BMPR1B: variants seen among roughly 807,000 people sequenced by gnomAD.
BMPR1B encodes the protein bone morphogenetic protein receptor type 1B.
A neutral mutation model predicts 59.1 loss-of-function variants in BMPR1B; 12 were observed. That is an observed-to-expected ratio of 0.20 (90% CI 0.13 to 0.33). The LOEUF is 0.33. BMPR1B is among the 10% of genes least tolerant of loss of function. BMPR1B has a pLI of 1.00. For synonymous variants in BMPR1B, 237 were observed against 207.3 expected, an observed-to-expected ratio of 1.14 and a Z score of -1.23; for missense variants, 550 against 610.9, an observed-to-expected ratio of 0.90 and a Z score of 1.05.
chr4:95,150,022 A>G (rs1462172005), intron 11 of BMPR1B, among the ~76,000 whole-genome samples: 2 of 152,226 alleles, frequency 1.3e-5, no homozygotes, highest in Admixed American at 1.3e-4. Flanking sequence ...GAGCCATAAC[A>G]TCTTTAGGTT....
intron 12 of BMPR1B, 113 bp downstream of exon 12, chr4:95,152,886 T>C (rs2149330838): frequency 7.7e-7 from 1 of 1,305,472 alleles, no homozygotes; most frequent in South Asian, 1.3e-5. Context: ...ATGGTGATGG[T>C]GATGGCGCCT....
chr4:95,004,174 AT>A (rs1722658184), intron 3 of BMPR1B, among the ~76,000 whole-genome samples: 1 of 152,156 alleles, frequency 6.6e-6, no homozygotes, highest in South Asian at 2.1e-4. Context: ...AAAAGACATC[AT>A]TTGAAATTTT....
chr4:94,778,880 T>A (rs1372833003), intron 1 of BMPR1B, among the ~76,000 whole-genome samples: 1 of 152,034 alleles, frequency 6.6e-6, no homozygotes, highest in Non-Finnish European at 1.5e-5. Flanking sequence ...TTGGTTGTTC[T>A]TTTCTTAGTG....
intron 6 of BMPR1B, among the ~76,000 whole-genome samples, chr4:95,119,813 ATC>A (rs1732341857): frequency 6.6e-6 from 1 of 152,226 alleles, no homozygotes; most frequent in South Asian, 2.1e-4. Flanking sequence ...AACACTGACC[ATC>A]ATGAAGTTTG....
chr4:94,893,219 G>A (rs1056247768), intron 2 of BMPR1B, among the ~76,000 whole-genome samples: 5 of 151,944 alleles, frequency 3.3e-5, no homozygotes, highest in Non-Finnish European at 1.5e-5. Context: ...CATAACATCT[G>A]AAATAATATT....
At chr4:94,789,180 G>A (rs1218811903) in intron 1 of BMPR1B, among the ~76,000 whole-genome samples, 1 of 152,188 alleles carries the variant, frequency 6.6e-6, no homozygotes, top group Non-Finnish European at 1.5e-5. Flanking sequence ...TTGAGAAATG[G>A]TTCAGTGTTC....
At position 94,799,032 on chromosome 4, in the gene BMPR1B, A is replaced by C. The variant is rs116555502; in HGVS notation, c.-183+40964A>C. Among the ~76,000 whole-genome samples, 982 of 151,692 alleles carry C rather than the reference A, an allele frequency of 6.5e-3. 13 individuals are homozygous for C. The highest frequency in any genetic ancestry group is 0.012 in the Non-Finnish European group (782 of 67,962). ...CTGTTGAGAATCCCAGGAGTGCGTT[A>C]GTGTGTGTTTCTTGGATAACCCCCA... On this transcript the variant is annotated intron_variant, in intron 1 of 12. Transcript: ENST00000515059.
intron 2 of BMPR1B, among the ~76,000 whole-genome samples, chr4:94,983,634 T>C (rs1721232303): frequency 6.6e-6 from 1 of 152,356 alleles, no homozygotes; most frequent in African/African-American, 2.4e-5. Context: ...CTTAAGGCCC[T>C]AACTCCAAAG....
intron 1 of BMPR1B, among the ~76,000 whole-genome samples, chr4:94,854,984 C>G (rs1725701572): frequency 6.6e-6 from 1 of 152,114 alleles, no homozygotes; most frequent in East Asian, 1.9e-4. Flanking sequence ...GATTCACATT[C>G]TTTTATTCCA....
At chr4:95,097,354 C>T (rs907930981) in intron 3 of BMPR1B, among the ~76,000 whole-genome samples, 6 of 151,468 alleles carry the variant, frequency 4.0e-5, no homozygotes, top group Admixed American at 1.3e-4. Context: ...TGAGAAATTT[C>T]CTGAAAGGGT....
At chr4:94,987,346 A>G (rs1435676940) in intron 2 of BMPR1B, among the ~76,000 whole-genome samples, 1 of 150,638 alleles carries the variant, frequency 6.6e-6, no homozygotes, top group Non-Finnish European at 1.5e-5. Context: ...TTTATCATGG[A>G]GCTGTAAAAT....
At chr4:95,133,598 G>C (rs1424251902) in intron 10 of BMPR1B, among the ~76,000 whole-genome samples, 2 of 151,888 alleles carry the variant, frequency 1.3e-5, no homozygotes, top group African/African-American at 2.4e-5. Flanking sequence ...TTTAGACAAA[G>C]AGTGGCTCTG....
intron 2 of BMPR1B, among the ~76,000 whole-genome samples, chr4:94,924,934 A>G (rs558522485): frequency 1.3e-5 from 2 of 152,150 alleles, no homozygotes; most frequent in Non-Finnish European, 2.9e-5. Context: ...TGCTACATCA[A>G]AGCCTTTGGT....
intron 6 of BMPR1B, among the ~76,000 whole-genome samples, chr4:95,121,071 C>T (rs1467797180): frequency 1.3e-5 from 2 of 152,108 alleles, no homozygotes; most frequent in African/African-American, 4.8e-5. Flanking sequence ...GCTTCCCAAA[C>T]TGCTGGGATT....
At chr4:95,021,801 G>T (rs1346078775) in intron 3 of BMPR1B, among the ~76,000 whole-genome samples, 3 of 152,158 alleles carry the variant, frequency 2.0e-5, no homozygotes, top group Non-Finnish European at 4.4e-5. Context: ...AATGCTGCTT[G>T]GAGATTGGCG....
At chr4:94,997,974 G>T (rs529931640) in intron 3 of BMPR1B, among the ~76,000 whole-genome samples, 12 of 152,082 alleles carry the variant, frequency 7.9e-5, no homozygotes, top group African/African-American at 2.7e-4. Flanking sequence ...AATTTGGGCA[G>T]AAAACAAGGC....
chr4:94,955,539 T>C (rs962662013), intron 2 of BMPR1B, among the ~76,000 whole-genome samples: 1 of 152,150 alleles, frequency 6.6e-6, no homozygotes, highest in Admixed American at 6.5e-5. Context: ...TTAATACTAA[T>C]AGTCAATACT....
chr4:95,132,660 TA>T (rs562104609), intron 10 of BMPR1B, among the ~76,000 whole-genome samples: 4,709 of 144,648 alleles, frequency 0.033, 78 homozygotes, highest in Middle Eastern at 0.076. Flanking sequence ...AGTCTTCCTA[TA>T]AAAAAAAAAA....
At position 94,938,371 on chromosome 4, in the gene BMPR1B, T is replaced by C. The variant is rs554709061; in HGVS notation, c.-112-57669T>C. Among the ~76,000 whole-genome samples, 237 of 152,222 alleles carry C rather than the reference T, an allele frequency of 1.6e-3. 5 individuals are homozygous for C. The highest frequency in any genetic ancestry group is 5.6e-3 in the African/African-American group (232 of 41,540). ...ATAGCTGGGTGTGGTGGTGCACACC[T>C]GTAATCCCAGCTACTTGGGAGGCTG... is the stretch of plus-strand genomic sequence containing the variant. On this transcript the variant is annotated intron_variant, in intron 2 of 12. Coordinates refer to ENST00000515059, the MANE Select transcript of BMPR1B (RefSeq NM_001203.3).
Sources: allele counts gnomAD v4.1 joint callset (sites outside exome capture counted in the v4.1 genomes callset), GRCh38; gene constraint gnomAD v4.1.1; transcripts MANE v1.5; gene names NCBI Gene and HGNC (gene_info 2026-07-23, HGNC 2026-07-21).